C12orf42: variants seen among roughly 807,000 people sequenced by gnomAD.
C12orf42 encodes chromosome 12 open reading frame 42.
Under a neutral mutation model 21.6 loss-of-function variants are expected in C12orf42, and 25 were observed. The observed-to-expected ratio is 1.16, with a 90% CI of 0.84 to 1.62. The LOEUF (loss-of-function observed/expected upper bound fraction) is 1.62. Among genes scored for constraint, C12orf42 ranks in the 40% most tolerant of loss-of-function variants. The pLI is 0.00. For synonymous variants in C12orf42, 174 were observed against 175.0 expected (o/e 0.99, Z 0.05); for missense variants, 483 against 459.3 (o/e 1.05, Z -0.47).
chr12:103,521,509 A>AACAC, the C12orf42 span, among the ~76,000 whole-genome samples: 3 of 152,092 alleles, frequency 2.0e-5, no homozygotes, highest in African/African-American at 7.2e-5. Flanking sequence ...GGAGGTGAAC[A>AACAC]ACACACACTG....
At chr12:103,070,545 C>CT in the C12orf42 span, among the ~76,000 whole-genome samples, 1 of 148,560 alleles carries the variant, frequency 6.7e-6, no homozygotes, top group African/African-American at 2.5e-5. Flanking sequence ...CACACACACC[C>CT]GACACAGCCT....
At chr12:103,138,034 C>T in the C12orf42 span, among the ~76,000 whole-genome samples, 68 of 152,202 alleles carry the variant, frequency 4.5e-4, no homozygotes, top group Non-Finnish European at 7.5e-4. Context: ...GAAATGATCC[C>T]AACACATAGA....
chr12:103,127,894 G>A, the C12orf42 span, among the ~76,000 whole-genome samples: 1 of 152,008 alleles, frequency 6.6e-6, no homozygotes, highest in Non-Finnish European at 1.5e-5. Flanking sequence ...TTTGAAAATA[G>A]CACTAGATTA....
At chr12:103,506,020 CT>C in the C12orf42 span, 17 of 209,832 alleles carry the variant, frequency 8.1e-5, no homozygotes, top group Non-Finnish European at 1.2e-4. Flanking sequence ...ACACAGTCTC[CT>C]TCTGTGGCCA....
At chr12:103,258,158 A>T (rs984368070) in intron 10 of C12orf42, among the ~76,000 whole-genome samples, 13 of 152,116 alleles carry the variant, frequency 8.5e-5, no homozygotes, top group African/African-American at 3.1e-4. Context: ...AACATTCAAG[A>T]CTACATGGAA....
intron 4 of C12orf42, among the ~76,000 whole-genome samples, chr12:103,289,718 G>GA (rs758392420): frequency 6.6e-6 from 1 of 152,032 alleles, no homozygotes; most frequent in African/African-American, 2.4e-5. Flanking sequence ...GTGATGGGGG[G>GA]AAAAAACAGC....
At chr12:103,202,890 C>A in the C12orf42 span, among the ~76,000 whole-genome samples, 1 of 152,148 alleles carries the variant, frequency 6.6e-6, no homozygotes, top group South Asian at 2.1e-4. Context: ...TCAGGTACAC[C>A]TGTATAGCTA....
chr12:103,372,156 T>C (rs965386491), intron 3 of C12orf42, among the ~76,000 whole-genome samples: 8 of 152,032 alleles, frequency 5.3e-5, no homozygotes, highest in Admixed American at 2.6e-4. Context: ...TCCAGTCCCA[T>C]TCCCTCCTCT....
chr12:103,443,057 T>G (rs1951354931), intron 2 of C12orf42, among the ~76,000 whole-genome samples: 1 of 152,140 alleles, frequency 6.6e-6, no homozygotes, highest in Non-Finnish European at 1.5e-5. Flanking sequence ...GTCTTGAGTT[T>G]CAGGCTAGTA....
chr12:103,192,502 CAAA>C, the C12orf42 span, among the ~76,000 whole-genome samples: 3 of 104,476 alleles, frequency 2.9e-5, no homozygotes, highest in Admixed American at 1.0e-4. Flanking sequence ...GACTCCATCT[CAAA>C]AAAAAAAAAA....
the C12orf42 span, among the ~76,000 whole-genome samples, chr12:103,050,957 G>A: frequency 9.3e-4 from 141 of 151,914 alleles, 1 homozygote; most frequent in East Asian, 0.023. Context: ...TTTCCTATAC[G>A]ACAATCAACA....
At chr12:103,405,426 G>A (rs1488304029) in intron 2 of C12orf42, among the ~76,000 whole-genome samples, 2 of 152,240 alleles carry the variant, frequency 1.3e-5, no homozygotes, top group African/African-American at 4.8e-5. Flanking sequence ...TGTTCCAATG[G>A]GATGATAAGG....
chr12:103,048,622 A>C, the C12orf42 span, among the ~76,000 whole-genome samples: 5 of 152,086 alleles, frequency 3.3e-5, no homozygotes, highest in African/African-American at 1.2e-4. Context: ...ACCTCAAAAT[A>C]AGTCTCCTGA....
chr12:103,437,059 C>T (rs557302979), intron 2 of C12orf42, among the ~76,000 whole-genome samples: 54 of 151,690 alleles, frequency 3.6e-4, no homozygotes, highest in African/African-American at 1.3e-3. Context: ...AACTATCTCT[C>T]AGACCACAGT....
At chr12:103,152,594 C>G in the C12orf42 span, among the ~76,000 whole-genome samples, 1 of 152,006 alleles carries the variant, frequency 6.6e-6, no homozygotes, top group Non-Finnish European at 1.5e-5. Flanking sequence ...ACTAGACTAT[C>G]CAAAAAAATC....
intron 10 of C12orf42, among the ~76,000 whole-genome samples, chr12:103,259,692 C>T (rs1593228849): frequency 6.6e-6 from 1 of 152,168 alleles, no homozygotes; most frequent in South Asian, 2.1e-4. Flanking sequence ...ATGTCAATGT[C>T]GGTGTTGCCT....
the C12orf42 span, among the ~76,000 whole-genome samples, chr12:103,077,490 A>G: frequency 6.6e-6 from 1 of 152,196 alleles, no homozygotes; most frequent in African/African-American, 2.4e-5. Context: ...ACTTGCCCAA[A>G]ATCACCTAAC....
the C12orf42 span, among the ~76,000 whole-genome samples, chr12:103,139,306 T>C: frequency 6.6e-6 from 1 of 152,216 alleles, no homozygotes; most frequent in Non-Finnish European, 1.5e-5. Flanking sequence ...ATAAATTCCT[T>C]TCATTTTAAA....
At chr12:103,279,740 G>C (rs1593270436) in intron 4 of C12orf42, among the ~76,000 whole-genome samples, 1 of 152,196 alleles carries the variant, frequency 6.6e-6, no homozygotes, top group South Asian at 2.1e-4. Context: ...TGTTAAAGCT[G>C]ATGCCTCTTA....
Sources: allele counts gnomAD v4.1 joint callset (sites outside exome capture counted in the v4.1 genomes callset), GRCh38; gene constraint gnomAD v4.1.1; transcripts MANE v1.5; gene names NCBI Gene and HGNC (gene_info 2026-07-23, HGNC 2026-07-21).